Variants in RPL35 observed in about 807,000 individuals in gnomAD.
The protein encoded by RPL35 is large ribosomal subunit protein uL29.
In RPL35, 2 loss-of-function variants were observed where a neutral mutation model predicts 15.6. The observed-to-expected ratio is 0.13, with a 90% CI of 0.05 to 0.40. RPL35 has a LOEUF of 0.40. RPL35 is among the 10% of genes least tolerant of loss of function. The probability of loss-of-function intolerance (pLI) is 0.99; values close to 1 mark genes in which losing one functional copy is unlikely to be tolerated. For synonymous variants in RPL35, 93 were observed against 67.9 expected (o/e 1.37, Z -1.82); for missense variants, 111 against 164.7 (o/e 0.67, Z 1.79).
chr9:124,858,134 G>C, intron 3 of RPL35, 67 bp from the exon 4 acceptor site: 9 of 1,534,718 alleles, frequency 5.9e-6, no homozygotes, highest in Non-Finnish European at 7.9e-6. Flanking sequence ...CAGCTAAGGG[G>C]GCTGGGGAGG....
chr9:124,860,356 T>TC, intron 2 of RPL35, 92 bp from the exon 3 acceptor site: 1 of 1,041,446 alleles, frequency 9.6e-7, no homozygotes, highest in Non-Finnish European at 1.5e-6. Context: ...AGCTGCAGCC[T>TC]CCCCCATCAA....
chr9:124,861,478 C>T lies in RPL35; in HGVS notation c.81G>A (p.Glu27=), dbSNP rs1829195759. Residue 27 remains glutamate (E), a synonymous_variant, in exon 2 of 4, where the codon GAG becomes GAA. Transcript: ENST00000348462. ...LLKQLDDLKV[E]LSQLRVAKVT... ...CTTTGGCGACGCGCAGCTGGGACAG[C>T]TCCACCTTCAGGTCGTCCAGCTGTT... The T allele has an allele frequency of 6.2e-7, 1 of 1,614,006 alleles. No individual in the cohort carries two copies. Among genetic ancestry groups the T allele is most frequent in the African/African-American group, 1.3e-5 (1 of 75,068 alleles).
intron 3 of RPL35, 151 bp from the exon 4 acceptor site, chr9:124,858,218 T>A: frequency 1.4e-6 from 1 of 691,046 alleles, no homozygotes; most frequent in Non-Finnish European, 2.4e-6. Flanking sequence ...CTAACTCAAT[T>A]AATCCCCCCA....
rs938588027 is a variant in RPL35, at chr9:124,861,656, AGTGC to A, written c.4-105_4-102del. The A allele has an allele frequency of 1.1e-5, 16 of 1,509,488 alleles. No individual in the cohort carries two copies. The African/African-American group carries it at 1.8e-4, about 17-fold the overall frequency. 93.5% of individuals were successfully genotyped at this position (1,509,488 alleles called of 1,614,324 possible). A position where few individuals can be genotyped will look rare whatever the true frequency, so the allele number is the denominator to read the frequency against. The stretch of plus-strand genomic sequence containing the variant: ...GGCGCGCGACTCGCCATCGACTACG[AGTGC>A]GCCGGAGCCCCAACCAGGGCTCAGG... On this transcript the variant is annotated intron_variant, in intron 1 of 3. Coordinates refer to ENST00000348462, the MANE Select transcript of RPL35 (RefSeq NM_007209.4).
intron 1 of RPL35, 45 bp downstream of exon 1, chr9:124,861,865 C>T: frequency 1.2e-6 from 2 of 1,600,118 alleles, no homozygotes; most frequent in Non-Finnish European, 1.7e-6. Flanking sequence ...CCCCAACCCC[C>T]GCGCCTCACA....
intron 3 of RPL35, chr9:124,858,353 T>C (rs564581173): frequency 1.2e-4 from 75 of 634,682 alleles, no homozygotes; most frequent in African/African-American, 1.2e-3. Flanking sequence ...GACTCCCAAC[T>C]CAGTGCTCCT....
In RPL35 at chr9:124,860,036, G is replaced by A. The variant is rs1829171957; in HGVS notation, c.222+147C>T. 3 of 665,798 alleles carry A rather than the reference G, an allele frequency of 4.5e-6. No homozygotes were observed. The African/African-American group carries it at 5.3e-5, about 12-fold the overall frequency. 41.2% of individuals were successfully genotyped at this position (665,798 alleles called of 1,614,324 possible). On this transcript the variant is annotated intron_variant, in intron 3 of 3. Coordinates refer to ENST00000348462, the MANE Select transcript of RPL35 (RefSeq NM_007209.4). ...AGCCACGTGCCAGTGCAAGACACTGGTAGAAGAGTGAGCCCAGCAACAAAT... is the reference window on the plus strand; with the variant it reads ...AGCCACGTGCCAGTGCAAGACACTGATAGAAGAGTGAGCCCAGCAACAAAT...
chr9:124,859,094 A>G (rs1829156639), intron 3 of RPL35, among the ~76,000 whole-genome samples: 1 of 152,160 alleles, frequency 6.6e-6, no homozygotes, highest in African/African-American at 2.4e-5. Context: ...CTAGCCACAC[A>G]CGTAGCTGCT....
At chr9:124,860,796 C>T (rs1829184497) in intron 2 of RPL35, among the ~76,000 whole-genome samples, 1 of 152,168 alleles carries the variant, frequency 6.6e-6, no homozygotes, top group African/African-American at 2.4e-5. Flanking sequence ...GTCCAATCCT[C>T]CCACCCCTGC....
In RPL35 at chr9:124,858,753, C is replaced by T. The variant is rs527312050; in HGVS notation, c.223-686G>A. Among the ~76,000 whole-genome samples, 3 of 152,328 alleles carry T rather than the reference C, an allele frequency of 2.0e-5. 1 individual carries two copies. In the South Asian group the frequency reaches 6.2e-4, roughly 32 times the overall value. ...GTGTTCTGCAAAGGTCCCCTGGGCC[C>T]CCTTCAGGACTGGGCCCTGTGCTGG... On this transcript the variant is annotated intron_variant, in intron 3 of 3. Transcript: ENST00000348462.
In RPL35 at chr9:124,861,940, C is replaced by G; in HGVS notation, c.-28G>C. The G allele has an allele frequency of 1.9e-6, 3 of 1,598,308 alleles. No individual in the cohort carries two copies. Among genetic ancestry groups the G allele is most frequent in the Non-Finnish European group, 2.6e-6 (3 of 1,173,342 alleles). The stretch of plus-strand genomic sequence containing the variant: ...CTGCACAAGCCGCCAACGCCGCCGC[C>G]CGCTCCGAGGGAAAGAGGAAGTAGG... On this transcript the variant is annotated 5_prime_UTR_variant, in exon 1 of 4. Transcript: ENST00000348462.
intron 3 of RPL35, among the ~76,000 whole-genome samples, chr9:124,859,467 T>TTA (rs1424011011): frequency 6.6e-6 from 1 of 152,188 alleles, no homozygotes; most frequent in Non-Finnish European, 1.5e-5. Flanking sequence ...GCTGTAAGTC[T>TTA]TAAGCACAGG....
rs552708543 is a variant in RPL35 at position 124,861,395 on chromosome 9, C to T, written c.140+24G>A. On this transcript the variant is annotated intron_variant, in intron 2 of 3. Coordinates refer to ENST00000348462, the MANE Select transcript of RPL35 (RefSeq NM_007209.4). ...CACACGTGCTCCCCACCCACGAGGG[C>T]TGTGATCCGGCCGCCTCACTTACAT... is the stretch of plus-strand genomic sequence containing the variant. 102 of 1,604,580 alleles carry T rather than the reference C, an allele frequency of 6.4e-5. 1 individual carries two copies. The South Asian group carries it at 1.1e-3, about 17-fold the overall frequency.
At chr9:124,858,245 G>T in intron 3 of RPL35, 178 bp from the exon 4 acceptor site, 1 of 638,290 alleles carries the variant, frequency 1.6e-6, no homozygotes, top group Non-Finnish European at 2.7e-6. Flanking sequence ...AGGCTGGTGG[G>T]ACCATCCTCA....
chr9:124,860,689 C>T (rs1588037369), intron 2 of RPL35, among the ~76,000 whole-genome samples: 2 of 152,170 alleles, frequency 1.3e-5, no homozygotes, highest in African/African-American at 4.8e-5. Flanking sequence ...AACAACGAGC[C>T]AGGGAGAAGT....
chr9:124,858,009 C>T lies in RPL35; in HGVS notation c.281G>A (p.Arg94Gln), dbSNP rs199675515. The T allele has an allele frequency of 1.1e-4, 174 of 1,612,324 alleles. No individual in the cohort carries two copies. The East Asian group carries it at 2.4e-3, about 22-fold the overall frequency. ...CAGGTTCTCCTCGTGCTTGTTGAGC[C>T]GGCGGCGCATGGCACGTGTCTTCTT... ...RPKKTRAMRR[R>Q]LNKHEENLKT... The change falls in exon 4 of 4, where the codon CGG (arginine) becomes CAG (glutamine). Residue 94 changes from arginine to glutamine, a missense_variant. Arg to Gln is a conservative substitution (Grantham distance 43). Coordinates refer to ENST00000348462, the MANE Select transcript of RPL35 (RefSeq NM_007209.4).
chr9:124,861,250 T>A, intron 2 of RPL35, 169 bp downstream of exon 2: 1 of 825,510 alleles, frequency 1.2e-6, no homozygotes, highest in South Asian at 1.7e-5. Flanking sequence ...GACCGCAAGG[T>A]CAAGGCAGGT....
chr9:124,859,640 G>A (rs1268644493), intron 3 of RPL35, among the ~76,000 whole-genome samples: 2 of 152,092 alleles, frequency 1.3e-5, no homozygotes, highest in African/African-American at 2.4e-5. Context: ...CCAATAAGAT[G>A]AATGTTAAGG....
rs985995286 is a variant in RPL35 at position 124,858,047 on chromosome 9, C to T, written c.243G>A (p.Leu81=). The change falls in exon 4 of 4, where the codon CTG becomes CTA. Residue 81 remains leucine, a synonymous_variant. Coordinates refer to ENST00000348462, the MANE Select transcript of RPL35 (RefSeq NM_007209.4). ...CACGTGTCTTCTTAGGCCGCAGGTC[C>T]AGGGGCTTGTACTTCTTGCCCTGGG... The part of the protein sequence containing the change: ...KFYKGKKYKP[L]DLRPKKTRAM... 6.2e-7 allele frequency: 1 copy of T among 1,612,554 alleles called. No homozygotes were observed. The highest frequency in any genetic ancestry group is 8.5e-7 in the Non-Finnish European group (1 of 1,179,990).
Sources: gnomAD v4.1 joint callset for allele counts (sites outside exome capture counted in the v4.1 genomes callset) on GRCh38, gnomAD v4.1.1 for gene constraint, MANE v1.5 for transcripts, NCBI Gene and HGNC (gene_info 2026-07-23, HGNC 2026-07-21) for gene names.